Variants in CDC42SE2 observed in about 807,000 individuals in gnomAD.
CDC42SE2 encodes the protein CDC42 small effector protein 2.
A neutral mutation model predicts 11.5 loss-of-function variants in CDC42SE2; 3 were observed. That is an observed-to-expected ratio of 0.26 (90% CI 0.12 to 0.67). The LOEUF is 0.67. Among genes scored for constraint, CDC42SE2 ranks in the 30% least tolerant of loss-of-function variants. The pLI, the probability that CDC42SE2 is intolerant of heterozygous loss-of-function variation, is 0.80. For synonymous variants in CDC42SE2, 33 were observed against 34.8 expected, an observed-to-expected ratio of 0.95 and a Z score of 0.18; for missense variants, 82 against 106.8, an observed-to-expected ratio of 0.77 and a Z score of 1.02.
the CDC42SE2 span, among the ~76,000 whole-genome samples, chr5:131,220,975 C>T: frequency 6.6e-6 from 1 of 151,550 alleles, no homozygotes; most frequent in Non-Finnish European, 1.5e-5. Flanking sequence ...GCCTCCACCT[C>T]CTGGGTTCAA....
chr5:131,354,410 A>G (rs928822250), intron 2 of CDC42SE2, among the ~76,000 whole-genome samples: 4 of 152,214 alleles, frequency 2.6e-5, no homozygotes, highest in African/African-American at 9.6e-5. Context: ...TCAGGCCTAG[A>G]GGTAACCATT....
At position 131,293,591 on chromosome 5, in the gene CDC42SE2, AGT is replaced by A. The variant is rs548041367; in HGVS notation, c.-454-22383_-454-22382del. On this transcript the variant is annotated intron_variant, in intron 1 of 4. Coordinates refer to ENST00000505065, the MANE Select transcript of CDC42SE2 (RefSeq NM_001375635.1). ...CCGTCTCAAAAAAAAAAAAAAAAAA[AGT>A]GGGCCCTCACCAGACTCTGAATCCA... Among the ~76,000 whole-genome samples, 258 of 142,022 alleles carry A rather than the reference AGT, an allele frequency of 1.8e-3. 1 individual carries two copies. Among genetic ancestry groups the A allele is most frequent in the African/African-American group, 6.2e-3 (248 of 40,038 alleles). The allele number at this position is 142,022 out of a possible 152,430, so 93.2% of individuals were successfully genotyped here. A position where few individuals can be genotyped will look rare whatever the true frequency, so the allele number is the denominator to read the frequency against.
In CDC42SE2 at chr5:131,392,199, C is replaced by T. The variant is rs1332073107; in HGVS notation, c.*1108C>T. 1.3e-5 allele frequency: 2 copies of T among 152,474 alleles called. No homozygotes were observed. Among genetic ancestry groups the T allele is most frequent in the African/African-American group, 2.4e-5 (1 of 41,346 alleles). The allele number at this position is 152,474 out of a possible 1,614,324, so 9.4% of individuals were successfully genotyped here. The stretch of plus-strand genomic sequence containing the variant: ...TTTTCACTGCCGACCCCCTGCCTTA[C>T]GATTTTATTGGAAAGCAAGGACCTG... On this transcript the variant is annotated 3_prime_UTR_variant, in exon 5 of 5. Transcript: ENST00000505065.
chr5:131,364,055 T>C (rs760739695), intron 3 of CDC42SE2, among the ~76,000 whole-genome samples: 12 of 152,170 alleles, frequency 7.9e-5, no homozygotes, highest in Non-Finnish European at 1.2e-4. Flanking sequence ...AATAACACTC[T>C]GGTATTTCTA....
intron 3 of CDC42SE2, among the ~76,000 whole-genome samples, chr5:131,383,998 T>C (rs1427593793): frequency 6.6e-6 from 1 of 152,110 alleles, no homozygotes; most frequent in Admixed American, 6.6e-5. Flanking sequence ...ACTCCAGAAA[T>C]AGCAAAATGA....
At chr5:131,285,966 A>G (rs1757330874) in intron 1 of CDC42SE2, among the ~76,000 whole-genome samples, 1 of 152,148 alleles carries the variant, frequency 6.6e-6, no homozygotes, top group Admixed American at 6.6e-5. Context: ...CTGCTTTACA[A>G]ATCTCATAAG....
At chr5:131,346,052 CA>C (rs1758835701) in intron 2 of CDC42SE2, among the ~76,000 whole-genome samples, 1 of 152,120 alleles carries the variant, frequency 6.6e-6, no homozygotes. Context: ...AAAAACATGC[CA>C]AATTATAAAG....
chr5:131,263,036 T>C (rs1561563706), upstream of CDC42SE2, among the ~76,000 whole-genome samples: 1 of 151,778 alleles, frequency 6.6e-6, no homozygotes, highest in Non-Finnish European at 1.5e-5. Flanking sequence ...CACTGTAACG[T>C]AACTCCTGGC....
rs1304614182 is a variant in CDC42SE2 at position 131,264,186 on chromosome 5, C to T, written c.-455+20C>T. 6.6e-6 allele frequency: 1 copy of T among 152,186 alleles called. No individual in the cohort carries two copies. The highest frequency in any genetic ancestry group is 1.5e-5 in the Non-Finnish European group (1 of 68,078). 9.4% of individuals were successfully genotyped at this position (152,186 alleles called of 1,614,324 possible). A position where few individuals can be genotyped will look rare whatever the true frequency, so the allele number is the denominator to read the frequency against. On this transcript the variant is annotated intron_variant, in intron 1 of 4. Coordinates refer to ENST00000505065, the MANE Select transcript of CDC42SE2 (RefSeq NM_001375635.1). The stretch of plus-strand genomic sequence containing the variant: ...GCGACGGTGAGTGCAATGCCAGCCC[C>T]AGTCGCGCGTCGGCCGCCACGCCTC...
intron 1 of CDC42SE2, among the ~76,000 whole-genome samples, chr5:131,280,984 A>G (rs1757226772): frequency 6.6e-6 from 1 of 152,218 alleles, no homozygotes. Flanking sequence ...TTGTGGAAGA[A>G]TTGCTCATAT....
At chr5:131,363,990 C>G (rs1231676052) in intron 3 of CDC42SE2, among the ~76,000 whole-genome samples, 1 of 152,180 alleles carries the variant, frequency 6.6e-6, no homozygotes, top group Non-Finnish European at 1.5e-5. Flanking sequence ...GCCACCACAC[C>G]TGGCCTTGGA....
At chr5:131,319,441 T>C (rs941974873) in intron 2 of CDC42SE2, among the ~76,000 whole-genome samples, 2 of 152,310 alleles carry the variant, frequency 1.3e-5, no homozygotes, top group East Asian at 3.9e-4. Flanking sequence ...ATATCTAATA[T>C]AGTTAGGCTG....
chr5:131,357,440 G>A (rs1190400228), intron 2 of CDC42SE2, among the ~76,000 whole-genome samples: 1 of 152,122 alleles, frequency 6.6e-6, no homozygotes, highest in Non-Finnish European at 1.5e-5. Flanking sequence ...AAAAATCACC[G>A]TCACTTCTGT....
intron 3 of CDC42SE2, among the ~76,000 whole-genome samples, chr5:131,383,199 A>G (rs1251331863): frequency 4.6e-5 from 7 of 152,224 alleles, no homozygotes; most frequent in African/African-American, 1.7e-4. Flanking sequence ...CATTAGGGGC[A>G]GGGAGTCTTT....
At chr5:131,243,581 G>A (rs898232364), upstream of CDC42SE2, among the ~76,000 whole-genome samples, 8 of 152,062 alleles carry the variant, frequency 5.3e-5, no homozygotes, top group South Asian at 2.1e-4. Flanking sequence ...GCGAGACTCC[G>A]TCTCAAAAAA....
rs893555627 is a variant in CDC42SE2 at position 131,393,789 on chromosome 5, C to T, written c.*2698C>T. On this transcript the variant is annotated 3_prime_UTR_variant, in exon 5 of 5. Transcript: ENST00000505065. ...GAAGCCGTGATCCTTTTCCCTGACT[C>T]ATGATTTTAGTCTTTTTCCAAATCG... is the stretch of plus-strand genomic sequence containing the variant. 2.7e-5 allele frequency: 4 copies of T among 149,972 alleles called. No homozygotes were observed. Among genetic ancestry groups the T allele is most frequent in the Middle Eastern group, 3.5e-3 (1 of 286 alleles). The allele number at this position is 149,972 out of a possible 1,614,324, so 9.3% of individuals were successfully genotyped here.
At position 131,394,207 on chromosome 5, in the gene CDC42SE2, T is replaced by C. The variant is rs1367409491; in HGVS notation, c.*3116T>C. 1 of 152,340 alleles carries C rather than the reference T, an allele frequency of 6.6e-6. No individual in the cohort carries two copies. Among genetic ancestry groups the C allele is most frequent in the Non-Finnish European group, 1.5e-5 (1 of 68,026 alleles). 9.4% of individuals were successfully genotyped at this position (152,340 alleles called of 1,614,324 possible). ...TCAACATTCATTATACTGTTAATCT[T>C]TGCTGAAATATATGCTAACAAATGT... On this transcript the variant is annotated 3_prime_UTR_variant, in exon 5 of 5. Coordinates refer to ENST00000505065, the MANE Select transcript of CDC42SE2 (RefSeq NM_001375635.1).
intron 1 of CDC42SE2, among the ~76,000 whole-genome samples, chr5:131,279,372 T>C (rs972292582): frequency 6.6e-5 from 10 of 151,988 alleles, no homozygotes; most frequent in African/African-American, 2.4e-4. Flanking sequence ...TTATGCTAAA[T>C]AAGATTATTG....
intron 1 of CDC42SE2, among the ~76,000 whole-genome samples, chr5:131,271,553 T>C (rs191888424): frequency 6.6e-6 from 1 of 152,306 alleles, no homozygotes; most frequent in Non-Finnish European, 1.5e-5. Context: ...TGTAAGGGAC[T>C]TCAGCATCTG....
Sources: allele counts gnomAD v4.1 joint callset (sites outside exome capture counted in the v4.1 genomes callset), GRCh38; gene constraint gnomAD v4.1.1; transcripts MANE v1.5; gene names NCBI Gene and HGNC (gene_info 2026-07-23, HGNC 2026-07-21).